The following PLCB1 variants were observed in gnomAD, a reference collection of about 807,000 sequenced individuals.
PLCB1 encodes the protein phospholipase C beta 1.
PLCB1 carries 46 observed loss-of-function variants against 161.8 expected under a neutral mutation model. The observed-to-expected ratio is 0.28, with a 90% confidence interval of 0.22 to 0.36. The LOEUF (loss-of-function observed/expected upper bound fraction) is 0.36, where lower values mean the gene tolerates loss of function less well. Ranked by LOEUF, PLCB1 falls within the 10% of genes least tolerant of loss-of-function variation. PLCB1 has a pLI of 1.00. For missense variants in PLCB1, 1,016 were observed against 1,472.5 expected (o/e 0.69, Z 5.07); for synonymous variants, 517 against 503.7 (o/e 1.03, Z -0.35).
At chr20:8,860,297 C>G (rs1403964197) in intron 31 of PLCB1, among the ~76,000 whole-genome samples, 1 of 152,176 alleles carries the variant, frequency 6.6e-6, no homozygotes, top group African/African-American at 2.4e-5. Context: ...AAGCTTTGTG[C>G]TTAAGACACT....
chr20:8,159,365 C>G (rs2051596856), intron 2 of PLCB1, among the ~76,000 whole-genome samples: 1 of 152,120 alleles, frequency 6.6e-6, no homozygotes. Flanking sequence ...AGTCCCTAGG[C>G]TACACACAGC....
At chr20:8,323,521 A>G (rs912405669) in intron 2 of PLCB1, among the ~76,000 whole-genome samples, 7 of 152,106 alleles carry the variant, frequency 4.6e-5, no homozygotes, top group Admixed American at 2.0e-4. Context: ...CTATTCCTAT[A>G]AACTCTCTCC....
intron 2 of PLCB1, among the ~76,000 whole-genome samples, chr20:8,332,596 G>A (rs1318058616): frequency 2.6e-5 from 4 of 152,286 alleles, no homozygotes; most frequent in East Asian, 1.9e-4. Context: ...ATGGAGATGC[G>A]GAAAGACTAA....
intron 25 of PLCB1, among the ~76,000 whole-genome samples, chr20:8,761,193 A>G (rs2123574029): frequency 6.6e-6 from 1 of 152,324 alleles, no homozygotes; most frequent in Middle Eastern, 3.4e-3. Context: ...TTGAGGAAAA[A>G]AGTCAGACAC....
intron 2 of PLCB1, among the ~76,000 whole-genome samples, chr20:8,323,938 A>G (rs1300155611): frequency 6.6e-6 from 1 of 152,112 alleles, no homozygotes; most frequent in Non-Finnish European, 1.5e-5. Flanking sequence ...TTTATGCTCT[A>G]TTCAACTATC....
At chr20:8,788,880 G>T (rs1256857513) in intron 29 of PLCB1, among the ~76,000 whole-genome samples, 158 bp downstream of exon 29, 1 of 152,136 alleles carries the variant, frequency 6.6e-6, no homozygotes, top group Non-Finnish European at 1.5e-5. Context: ...TTTTAACAGG[G>T]AAGGCTCAAG....
At chr20:8,370,222 A>G (rs751837177) in intron 2 of PLCB1, among the ~76,000 whole-genome samples, 1 of 152,204 alleles carries the variant, frequency 6.6e-6, no homozygotes, top group Non-Finnish European at 1.5e-5. Flanking sequence ...GGTAGAGTCC[A>G]CTGTCTAATG....
rs147567110 is a variant in PLCB1, at chr20:8,658,556, A to C, written c.714A>C (p.Pro238=). 571 of 1,606,526 alleles carry C rather than the reference A, an allele frequency of 3.6e-4. No homozygotes were observed. Among genetic ancestry groups the C allele is most frequent in the Non-Finnish European group, 4.6e-4 (546 of 1,177,696 alleles). ...TTTTTAGTGGTGCAAAAAGCAAACC[A>C]TATCTTACCGTTGATCAGATGATGG... ...IFSEFGAKSK[P]YLTVDQMMDF... The change falls in exon 9 of 32, where the codon CCA becomes CCC. Residue 238 remains proline, a synonymous_variant. Coordinates refer to ENST00000338037, the MANE Select transcript of PLCB1 (RefSeq NM_015192.4).
At chr20:8,216,731 A>T (rs1253796519) in intron 2 of PLCB1, among the ~76,000 whole-genome samples, 3 of 152,124 alleles carry the variant, frequency 2.0e-5, no homozygotes, top group Non-Finnish European at 4.4e-5. Flanking sequence ...CACAAAAATG[A>T]TATAGCATAA....
At chr20:8,678,484 G>A (rs1990141275) in intron 9 of PLCB1, among the ~76,000 whole-genome samples, 1 of 152,212 alleles carries the variant, frequency 6.6e-6, no homozygotes, top group African/African-American at 2.4e-5. Context: ...GGAGACATGA[G>A]GAAGCGTGTT....
chr20:8,209,278 A>G (rs938863342), intron 2 of PLCB1, among the ~76,000 whole-genome samples: 2 of 152,084 alleles, frequency 1.3e-5, no homozygotes, highest in African/African-American at 4.8e-5. Context: ...ATTGTAGAAA[A>G]ACTGAACAGT....
At chr20:8,576,227 C>T (rs1362474819) in intron 3 of PLCB1, among the ~76,000 whole-genome samples, 1 of 152,136 alleles carries the variant, frequency 6.6e-6, no homozygotes, top group African/African-American at 2.4e-5. Flanking sequence ...TCCTGAAGCA[C>T]TTAACCTGAT....
intron 3 of PLCB1, among the ~76,000 whole-genome samples, chr20:8,374,150 G>T (rs1476941161): frequency 6.6e-6 from 1 of 152,090 alleles, no homozygotes; most frequent in Non-Finnish European, 1.5e-5. Context: ...TGTGTCGAGG[G>T]AGAGACCAGG....
At chr20:8,783,603 G>A (rs972869812) in intron 27 of PLCB1, among the ~76,000 whole-genome samples, 3 of 152,098 alleles carry the variant, frequency 2.0e-5, no homozygotes, top group African/African-American at 4.8e-5. Flanking sequence ...ATTCCATGCT[G>A]GACTAACTTA....
intron 3 of PLCB1, among the ~76,000 whole-genome samples, chr20:8,375,943 C>CA (rs34790517): frequency 0.24 from 21,861 of 92,790 alleles, 2,294 homozygotes; most frequent in East Asian, 0.46. Context: ...CCAAGTGAAC[C>CA]AAAAAAAAAA....
intron 2 of PLCB1, among the ~76,000 whole-genome samples, chr20:8,172,494 G>A (rs57133754): frequency 0.14 from 20,771 of 152,188 alleles, 1,492 homozygotes; most frequent in Middle Eastern, 0.32. Context: ...GGGATCAGTA[G>A]TAGGAGGTGA....
intron 27 of PLCB1, among the ~76,000 whole-genome samples, chr20:8,786,134 C>T (rs8124710): frequency 0.047 from 7,081 of 152,142 alleles, 358 homozygotes; most frequent in African/African-American, 0.13. Flanking sequence ...GAAGGTGATC[C>T]CTGGATAACT....
chr20:8,499,025 C>A (rs1983295196), intron 3 of PLCB1, among the ~76,000 whole-genome samples: 1 of 152,306 alleles, frequency 6.6e-6, no homozygotes, highest in East Asian at 1.9e-4. Flanking sequence ...TCCTGTACCA[C>A]TTGTCAAGGT....
At chr20:8,744,515 G>A (rs1353121596) in intron 23 of PLCB1, among the ~76,000 whole-genome samples, 3 of 151,810 alleles carry the variant, frequency 2.0e-5, no homozygotes, top group African/African-American at 4.8e-5. Context: ...GCCTGAGGCA[G>A]GGGAATTGCT....
Sources: allele counts gnomAD v4.1 joint callset (sites outside exome capture counted in the v4.1 genomes callset), GRCh38; gene constraint gnomAD v4.1.1; transcripts MANE v1.5; gene names NCBI Gene and HGNC (gene_info 2026-07-23, HGNC 2026-07-21).